PHKA1: variants seen among roughly 807,000 people sequenced by gnomAD.
PHKA1 encodes phosphorylase kinase regulatory subunit alpha 1, also known as phosphorylase b kinase regulatory subunit alpha, skeletal muscle isoform.
Under a neutral mutation model 110.2 loss-of-function variants are expected in PHKA1, and 60 were observed. The observed-to-expected ratio is 0.54, with a 90% CI of 0.44 to 0.68. The LOEUF is 0.68. Among genes scored for constraint, PHKA1 ranks in the 30% least tolerant of loss-of-function variants. PHKA1 has a pLI of 0.00. For synonymous variants in PHKA1, 316 were observed against 333.6 expected (o/e 0.95, Z 0.58); for missense variants, 801 against 942.5 (o/e 0.85, Z 1.97).
At chrX:72,646,621 G>C (rs1556297208) in intron 13 of PHKA1, among the ~76,000 whole-genome samples, 1 of 111,643 alleles carries the variant, frequency 9.0e-6, no homozygotes, top group Non-Finnish European at 1.9e-5. Flanking sequence ...GGAACATGTA[G>C]CATAAAGGGG....
intron 28 of PHKA1, among the ~76,000 whole-genome samples, chrX:72,601,691 A>C (rs1334685074): frequency 1.8e-5 from 2 of 110,844 alleles, no homozygotes; most frequent in Non-Finnish European, 3.8e-5. Context: ...CCAAGCAAAG[A>C]CTCTTTGCTT....
At position 72,622,638 on chromosome X, in the gene PHKA1, T is replaced by G. The variant is rs1269186408; in HGVS notation, c.1960+471A>C. On this transcript the variant is annotated intron_variant, in intron 18 of 31. Coordinates refer to ENST00000373542, the MANE Select transcript of PHKA1 (RefSeq NM_002637.4). ...GTTTGTACTATGAAAATAACAGACA[T>G]ACTGAATAGGCTTTTTCAAACTACA... 1.3e-5 allele frequency: 10 copies of G among 751,458 alleles called. No individual in the cohort carries two copies. In the East Asian group the frequency reaches 1.4e-3, roughly 102 times the overall value. The allele number at this position is 751,458 out of a possible 1,213,427, so 61.9% of individuals were successfully genotyped here. A position where few individuals can be genotyped will look rare whatever the true frequency, so the allele number is the denominator to read the frequency against.
chrX:72,701,846 C>G (rs1191985457), intron 3 of PHKA1, among the ~76,000 whole-genome samples: 1 of 112,059 alleles, frequency 8.9e-6, no homozygotes, highest in Non-Finnish European at 1.9e-5. Flanking sequence ...GTATAATAAG[C>G]AAACCAGTCC....
intron 16 of PHKA1, among the ~76,000 whole-genome samples, chrX:72,628,456 A>C (rs1229628388): frequency 3.7e-5 from 4 of 108,174 alleles, no homozygotes; most frequent in African/African-American, 1.3e-4. Context: ...TTTGATATAA[A>C]AGATTTCATT....
intron 5 of PHKA1, among the ~76,000 whole-genome samples, chrX:72,676,801 A>G (rs1451608450): frequency 8.9e-6 from 1 of 112,107 alleles, no homozygotes; most frequent in Non-Finnish European, 1.9e-5. Flanking sequence ...TTTATTTTGG[A>G]ATAACTTTAG....
chrX:72,687,962 G>GCCCGGCTA (rs2053988321), intron 4 of PHKA1, among the ~76,000 whole-genome samples: 1 of 108,366 alleles, frequency 9.2e-6, no homozygotes, highest in Non-Finnish European at 1.9e-5. Flanking sequence ...GAGTAGCTGG[G>GCCCGGCTA]ATTACAGGCA....
At chrX:72,707,172 C>T (rs962656420) in intron 2 of PHKA1, among the ~76,000 whole-genome samples, 1 of 111,811 alleles carries the variant, frequency 8.9e-6, no homozygotes, top group Non-Finnish European at 1.9e-5. Context: ...ATCTGTGTAC[C>T]TCTTTCTCTC....
chrX:72,605,853 T>G (rs782378862), intron 23 of PHKA1, among the ~76,000 whole-genome samples: 1 of 112,339 alleles, frequency 8.9e-6, no homozygotes, highest in East Asian at 2.8e-4. Flanking sequence ...TGGATTCTCT[T>G]CCTCCTTCAA....
Position 72,602,268 on chromosome X carries a change from G to A in PHKA1, c.2923C>T (p.Pro975Ser). 1 of 1,113,125 alleles carries A rather than the reference G, an allele frequency of 9.0e-7. No individual in the cohort carries two copies. The highest frequency in any genetic ancestry group is 1.2e-6 in the Non-Finnish European group (1 of 806,254). 91.7% of individuals were successfully genotyped at this position (1,113,125 alleles called of 1,213,427 possible). Residue 975 changes from proline to serine, a missense_variant, in exon 27 of 32, where the codon CCC (proline) becomes TCC (serine). By Grantham distance (74) the Pro-to-Ser change is moderately conservative (BLOSUM62 -1). Coordinates refer to ENST00000373542, the MANE Select transcript of PHKA1 (RefSeq NM_002637.4). ...GCAGGACTGACATTTGAATCAGTGGGACGAACTATGTAGTATGAGAGATTA... is the reference window on the plus strand; with the variant it reads ...GCAGGACTGACATTTGAATCAGTGGAACGAACTATGTAGTATGAGAGATTA... ...KEFGVERSVR[P>S]TDSNVSPAIS... is the part of the protein sequence containing the mutation.
intron 8 of PHKA1, among the ~76,000 whole-genome samples, chrX:72,665,209 C>G (rs1366971402): frequency 1.2e-4 from 13 of 111,148 alleles, no homozygotes; most frequent in African/African-American, 4.2e-4. Context: ...AAAAAAGAGA[C>G]ATTATAACCG....
chrX:72,579,442 G>T lies in PHKA1; in HGVS notation c.*1560C>A, dbSNP rs1556196762. 1 of 111,862 alleles carries T rather than the reference G, an allele frequency of 8.9e-6. No individual in the cohort carries two copies. The highest frequency in any genetic ancestry group is 3.3e-5 in the African/African-American group (1 of 30,714). 9.2% of individuals were successfully genotyped at this position (111,862 alleles called of 1,213,427 possible). A position where few individuals can be genotyped will look rare whatever the true frequency, so the allele number is the denominator to read the frequency against. ...AACTTTAGAAATCCAAGATAAAGGA[G>T]GGGGTTGAAGTAGGAAGTTATCTAA... is the stretch of plus-strand genomic sequence containing the variant. On this transcript the variant is annotated 3_prime_UTR_variant, in exon 32 of 32. Transcript: ENST00000373542.
At chrX:72,588,334 G>A (rs1191317329) in intron 29 of PHKA1, among the ~76,000 whole-genome samples, 4 of 111,938 alleles carry the variant, frequency 3.6e-5, no homozygotes, top group African/African-American at 1.3e-4. Flanking sequence ...TGAATACTGG[G>A]TACATAACGA....
intron 3 of PHKA1, among the ~76,000 whole-genome samples, chrX:72,697,747 G>T (rs2054145973): frequency 9.1e-6 from 1 of 110,155 alleles, no homozygotes; most frequent in South Asian, 3.9e-4. Context: ...CACTTTGGGA[G>T]ACGGAGGCGG....
At position 72,707,511 on chromosome X, in the gene PHKA1, T is replaced by C. The variant is rs782188176; in HGVS notation, c.238-2266A>G. ...CTCCCCCATCAGACAATGAACTCCC[T>C]GAGAAAAAGGGGCAGAGGCCAGGTT... On this transcript the variant is annotated intron_variant, in intron 2 of 31. Coordinates refer to ENST00000373542, the MANE Select transcript of PHKA1 (RefSeq NM_002637.4). 7.8e-4 allele frequency among the ~76,000 whole-genome samples: 86 copies of C among 110,320 alleles called. 1 individual carries two copies. Among genetic ancestry groups the C allele is most frequent in the Admixed American group, 2.0e-3 (21 of 10,418 alleles).
intron 28 of PHKA1, among the ~76,000 whole-genome samples, chrX:72,600,997 G>A (rs1041929735): frequency 8.9e-6 from 1 of 111,918 alleles, no homozygotes; most frequent in African/African-American, 3.2e-5. Context: ...GTGCTTCTAG[G>A]AGAGGCCAAA....
chrX:72,582,273 G>C lies in PHKA1; in HGVS notation c.3498+125C>G, dbSNP rs781815642. On this transcript the variant is annotated intron_variant, in intron 31 of 31. Transcript: ENST00000373542. ...ACAGAGCTCAGAGCCGCTACAAAGG[G>C]GGCCCAAAAAAGAAGTATGAGGAAG... The C allele has an allele frequency of 8.0e-6, 4 of 498,948 alleles. No homozygotes were observed. In the African/African-American group the frequency reaches 9.4e-5, roughly 12 times the overall value. The allele number at this position is 498,948 out of a possible 1,213,427, so 41.1% of individuals were successfully genotyped here.
At position 72,623,195 on chromosome X, in the gene PHKA1, C is replaced by T. The variant is rs782606308; in HGVS notation, c.1874G>A (p.Gly625Asp). 7.4e-6 allele frequency: 9 copies of T among 1,208,777 alleles called. No individual in the cohort carries two copies. The highest frequency in any genetic ancestry group is 1.8e-5 in the South Asian group (1 of 56,866). Reference sequence around the variant, plus strand: ...ATCATAATCTTCACTGTACAGCTTACCCTCAGGTCCAGGGTCCATGAAGCT... The same window carrying T: ...ATCATAATCTTCACTGTACAGCTTATCCTCAGGTCCAGGGTCCATGAAGCT... ...HLSFMDPGPE[G>D]KLYSEDYDDN... Residue 625 changes from glycine to aspartate, a missense_variant, in exon 18 of 32, where the codon GGT (glycine) becomes GAT (aspartate). Gly to Asp is a moderately conservative substitution (Grantham distance 94). Transcript: ENST00000373542.
intron 23 of PHKA1, among the ~76,000 whole-genome samples, chrX:72,608,012 T>A (rs1556254500): frequency 1.8e-5 from 2 of 110,956 alleles, no homozygotes; most frequent in Non-Finnish European, 3.8e-5. Flanking sequence ...CTCTTCCCTC[T>A]CCTTTTCTTA....
At chrX:72,710,893 G>A (rs1225118429) in intron 2 of PHKA1, among the ~76,000 whole-genome samples, 3 of 99,149 alleles carry the variant, frequency 3.0e-5, no homozygotes, top group African/African-American at 1.1e-4. Context: ...ACGGAGTCTC[G>A]CTCTGTCGCC....
Sources: allele counts gnomAD v4.1 joint callset (sites outside exome capture counted in the v4.1 genomes callset), GRCh38; gene constraint gnomAD v4.1.1; transcripts MANE v1.5; gene names NCBI Gene and HGNC (gene_info 2026-07-23, HGNC 2026-07-21).